Variants in RP1 observed in about 807,000 individuals in gnomAD.
RP1 encodes oxygen-regulated protein 1.
In RP1, 16 loss-of-function variants were observed where a neutral mutation model predicts 14.8. That is an observed-to-expected ratio of 1.08 (90% CI 0.73 to 1.65). RP1 has a LOEUF of 1.65. Ranked by LOEUF, RP1 falls within the 40% of genes most tolerant of loss-of-function variation. The pLI is 0.00. For synonymous variants in RP1, 876 were observed against 883.6 expected (o/e 0.99, Z 0.15); for missense variants, 2,631 against 2,535.0 (o/e 1.04, Z -0.81).
intron 27 of RP1, among the ~76,000 whole-genome samples, chr8:54,865,347 C>T (rs1323640024): frequency 6.6e-6 from 1 of 151,320 alleles, no homozygotes; most frequent in Non-Finnish European, 1.5e-5. Flanking sequence ...CCCTCCTCTC[C>T]TTCCTCCCTT....
At chr8:54,647,887 G>C (rs1051839201) in intron 3 of RP1, among the ~76,000 whole-genome samples, 3 of 151,978 alleles carry the variant, frequency 2.0e-5, no homozygotes, top group Non-Finnish European at 4.4e-5. Context: ...CTTTCTGATT[G>C]ACATGGTTTG....
intron 24 of RP1, among the ~76,000 whole-genome samples, chr8:54,787,819 T>C (rs917773916): frequency 6.6e-6 from 1 of 152,204 alleles, no homozygotes; most frequent in Non-Finnish European, 1.5e-5. Flanking sequence ...GTTTTGCCTT[T>C]GTAAAAACAA....
At chr8:54,724,962 C>T (rs760282955) in intron 16 of RP1, among the ~76,000 whole-genome samples, 1 of 152,156 alleles carries the variant, frequency 6.6e-6, no homozygotes, top group Non-Finnish European at 1.5e-5. Context: ...TTCTAATGGA[C>T]TGGCACATTA....
intron 22 of RP1, among the ~76,000 whole-genome samples, chr8:54,769,454 T>A (rs1809846745): frequency 6.6e-6 from 1 of 152,038 alleles, no homozygotes; most frequent in African/African-American, 2.4e-5. Context: ...TTACAGGTGA[T>A]AGTGGTAGAG....
chr8:54,822,738 C>T (rs1183827191), intron 24 of RP1, among the ~76,000 whole-genome samples: 1 of 152,134 alleles, frequency 6.6e-6, no homozygotes, highest in Non-Finnish European at 1.5e-5. Flanking sequence ...GAAGGACTGC[C>T]TCAGCCCTGC....
At chr8:54,682,223 T>C (rs540619164) in intron 12 of RP1, among the ~76,000 whole-genome samples, 42 of 152,242 alleles carry the variant, frequency 2.8e-4, no homozygotes, top group African/African-American at 9.9e-4. Context: ...TTGGCCTTTT[T>C]TCCCCTTTTT....
chr8:54,759,962 A>C (rs1053712153), intron 22 of RP1, among the ~76,000 whole-genome samples: 1 of 152,312 alleles, frequency 6.6e-6, no homozygotes, highest in South Asian at 2.1e-4. Flanking sequence ...TGAGATAACA[A>C]AGTACAGGCA....
At chr8:54,706,754 G>GT in intron 15 of RP1, 3 of 1,152,784 alleles carry the variant, frequency 2.6e-6, no homozygotes, top group Non-Finnish European at 3.7e-6. Context: ...GAAATTGAAT[G>GT]TTACATGTGG....
intron 12 of RP1, chr8:54,696,357 G>A: frequency 1.8e-6 from 1 of 544,758 alleles, no homozygotes; most frequent in South Asian, 2.3e-5. Context: ...ATGAAGGATT[G>A]GTTCATTTTA....
At position 54,629,200 on chromosome 8, in the gene RP1, A is replaced by G; in HGVS notation, c.5318A>G (p.Asp1773Gly). Residue 1773 changes from aspartate (D) to glycine (G), a missense_variant, in exon 4 of 4, where the codon GAC becomes GGC. Asp to Gly is a moderately conservative substitution (Grantham distance 94). Transcript: ENST00000220676. Reference protein sequence around the residue: ...MCGNADTTSVDTLLDNNSSEV... With the variant: ...MCGNADTTSVGTLLDNNSSEV... ...GGCAATGCAGACACCACATCAGTGG[A>G]CACCCTACTTGATAATAACAGCAGT... is the stretch of plus-strand genomic sequence containing the variant. 1 of 1,614,132 alleles carries G rather than the reference A, an allele frequency of 6.2e-7. No homozygotes were observed. Among genetic ancestry groups the G allele is most frequent in the African/African-American group, 1.3e-5 (1 of 75,054 alleles).
chr8:54,630,474 C>A lies in RP1; in HGVS notation c.*121C>A. ...TCCACTTCTTCAAAATGAACTTACTCTAGAAAGCTTACCCTTGGATAACCA... is the reference window on the plus strand; with the variant it reads ...TCCACTTCTTCAAAATGAACTTACTATAGAAAGCTTACCCTTGGATAACCA... On this transcript the variant is annotated 3_prime_UTR_variant, in exon 4 of 4. Coordinates refer to ENST00000220676, the MANE Select transcript of RP1 (RefSeq NM_006269.2). The A allele has an allele frequency of 6.6e-7, 1 of 1,510,770 alleles. No individual in the cohort carries two copies. Among genetic ancestry groups the A allele is most frequent in the East Asian group, 2.4e-5 (1 of 40,884 alleles). 93.6% of individuals were successfully genotyped at this position (1,510,770 alleles called of 1,614,324 possible).
At position 54,625,154 on chromosome 8, in the gene RP1, T is replaced by C. The variant is rs768758861; in HGVS notation, c.1272T>C (p.Ser424=). Reference sequence around the variant, plus strand: ...TGGCTGAAACTTGCAGTTCTGCTAGTTGGGAGAATGCTACTGTGGACACAG... The same window carrying C: ...TGGCTGAAACTTGCAGTTCTGCTAGCTGGGAGAATGCTACTGTGGACACAG... The part of the protein sequence containing the change: ...DQVAETCSSA[S]WENATVDTDI... The change falls in exon 4 of 4, where the codon AGT becomes AGC. Residue 424 remains serine (S), a synonymous_variant. Transcript: ENST00000220676. 3.1e-6 allele frequency: 5 copies of C among 1,614,156 alleles called. No individual in the cohort carries two copies. The South Asian group carries it at 5.5e-5, about 18-fold the overall frequency.
intron 19 of RP1, among the ~76,000 whole-genome samples, chr8:54,740,850 G>T (rs547709684): frequency 6.6e-6 from 1 of 152,102 alleles, no homozygotes; most frequent in African/African-American, 2.4e-5. Flanking sequence ...TTGGAGACCA[G>T]CCTGGCTAAC....
At chr8:54,608,765 A>T (rs555573787) in intron 1 of RP1, among the ~76,000 whole-genome samples, 1 of 152,344 alleles carries the variant, frequency 6.6e-6, no homozygotes, top group South Asian at 2.1e-4. Flanking sequence ...TATATACTCA[A>T]ATCTTTGCTT....
At chr8:54,687,113 T>G (rs1053270430) in intron 12 of RP1, among the ~76,000 whole-genome samples, 2 of 152,118 alleles carry the variant, frequency 1.3e-5, no homozygotes, top group African/African-American at 2.4e-5. Flanking sequence ...AAAAGAATCT[T>G]TTGTATTACT....
intron 24 of RP1, among the ~76,000 whole-genome samples, chr8:54,835,631 C>G (rs953822713): frequency 1.3e-5 from 2 of 152,104 alleles, no homozygotes; most frequent in African/African-American, 2.4e-5. Flanking sequence ...TTATTGACTT[C>G]TATCATACTT....
chr8:54,609,157 G>A (rs1398366812), intron 1 of RP1, among the ~76,000 whole-genome samples: 2 of 152,160 alleles, frequency 1.3e-5, no homozygotes, highest in Non-Finnish European at 2.9e-5. Context: ...CAAGAGCCAG[G>A]AAAGAACAGT....
At chr8:54,635,454 T>A (rs1806328033), downstream of RP1, among the ~76,000 whole-genome samples, 1 of 152,276 alleles carries the variant, frequency 6.6e-6, no homozygotes, top group Non-Finnish European at 1.5e-5. Flanking sequence ...GACTTGTACA[T>A]CACAGGAATT....
chr8:54,808,093 A>G (rs1485809108), intron 24 of RP1, among the ~76,000 whole-genome samples: 3 of 152,202 alleles, frequency 2.0e-5, no homozygotes, highest in Non-Finnish European at 2.9e-5. Flanking sequence ...TGTAACCATC[A>G]TATCATGAAA....
Sources: gnomAD v4.1 joint callset for allele counts (sites outside exome capture counted in the v4.1 genomes callset) on GRCh38, gnomAD v4.1.1 for gene constraint, MANE v1.5 for transcripts, NCBI Gene and HGNC (gene_info 2026-07-23, HGNC 2026-07-21) for gene names.